Variants in TAF11 observed in about 807,000 individuals in gnomAD.
TAF11 encodes transcription initiation factor TFIID subunit 11.
Under a neutral mutation model 23.0 loss-of-function variants are expected in TAF11, and 10 were observed. The ratio of observed to expected loss-of-function variants is 0.43; its 90% CI spans 0.27 to 0.74. The LOEUF is 0.74. Among genes scored for constraint, TAF11 ranks in the 30% least tolerant of loss-of-function variants. The pLI is 0.19. For synonymous variants in TAF11, 85 were observed against 95.8 expected (o/e 0.89, Z 0.66); for missense variants, 196 against 261.7 (o/e 0.75, Z 1.73).
chr6:34,882,559 G>A (rs371608180), intron 2 of TAF11, among the ~76,000 whole-genome samples: 5 of 151,872 alleles, frequency 3.3e-5, no homozygotes, highest in East Asian at 3.9e-4. Context: ...CATGAGAATC[G>A]TTTGAACTCA....
chr6:34,884,908 T>C (rs893516195), intron 1 of TAF11, among the ~76,000 whole-genome samples: 6 of 152,238 alleles, frequency 3.9e-5, no homozygotes, highest in Admixed American at 2.0e-4. Flanking sequence ...AACTTGAACA[T>C]TAAATGTCTT....
Position 34,887,883 on chromosome 6 carries a change from G to C in TAF11, c.75C>G (p.Pro25=). 1 of 1,614,164 alleles carries C rather than the reference G, an allele frequency of 6.2e-7. No homozygotes were observed. Among genetic ancestry groups the C allele is most frequent in the Non-Finnish European group, 8.5e-7 (1 of 1,180,032 alleles). The change falls in exon 1 of 5, where the codon CCC becomes CCG. Residue 25 remains proline, a synonymous_variant. Coordinates refer to ENST00000361288, the MANE Select transcript of TAF11 (RefSeq NM_005643.4). ...TGESDETAAV[P]GDPGATDTDG... Reference sequence around the variant, plus strand: ...CGGTGTCGGTAGCCCCCGGGTCCCCGGGCACAGCGGCCGTCTCATCCGACT... The same window carrying C: ...CGGTGTCGGTAGCCCCCGGGTCCCCCGGCACAGCGGCCGTCTCATCCGACT...
chr6:34,887,489 T>C (rs1221233650), intron 1 of TAF11, among the ~76,000 whole-genome samples: 1 of 152,110 alleles, frequency 6.6e-6, no homozygotes, highest in Non-Finnish European at 1.5e-5. Context: ...CAGTGTGACA[T>C]TGGATCCCAA....
intron 1 of TAF11, among the ~76,000 whole-genome samples, chr6:34,884,415 GTGAAGGGTATATGGAAGGA>G (rs1208753964): frequency 2.0e-5 from 3 of 152,130 alleles, no homozygotes; most frequent in African/African-American, 4.8e-5. Flanking sequence ...ATATGGAAGG[GTGAAGGGTATATGGAAGGA>G]TGAAGGGTGG....
At chr6:34,881,928 C>A (rs1033715748) in intron 2 of TAF11, among the ~76,000 whole-genome samples, 1 of 151,052 alleles carries the variant, frequency 6.6e-6, no homozygotes, top group East Asian at 2.0e-4. Flanking sequence ...AAACTCCTGA[C>A]CTCAAGTGAT....
intron 2 of TAF11, 123 bp downstream of exon 2, chr6:34,882,809 T>C: frequency 8.4e-7 from 1 of 1,194,342 alleles, no homozygotes; most frequent in Non-Finnish European, 1.1e-6. Context: ...CCAGCCATAA[T>C]GTATTAATCG....
chr6:34,879,964 C>A lies in TAF11; in HGVS notation c.505+3G>T, dbSNP rs1320073663. 1 of 1,613,220 alleles carries A rather than the reference C, an allele frequency of 6.2e-7. No individual in the cohort carries two copies. Among genetic ancestry groups the A allele is most frequent in the African/African-American group, 1.3e-5 (1 of 75,018 alleles). On this transcript the variant is annotated splice_donor_region_variant and intron_variant, in intron 4 of 4. Coordinates refer to ENST00000361288, the MANE Select transcript of TAF11 (RefSeq NM_005643.4). ...TCCAGTATTTGTAACCAACACTACT[C>A]ACCTTCTTCTACCACCTCCCCGACG...
At chr6:34,886,645 T>A (rs1766533282) in intron 1 of TAF11, among the ~76,000 whole-genome samples, 1 of 151,884 alleles carries the variant, frequency 6.6e-6, no homozygotes, top group Non-Finnish European at 1.5e-5. Context: ...TTTGTATTTT[T>A]AGTAGAGACG....
intron 4 of TAF11, chr6:34,879,438 C>A (rs1182765225): frequency 3.1e-6 from 3 of 960,392 alleles, no homozygotes. Flanking sequence ...CATGCCACTG[C>A]ACTCCAGCCT....
intron 1 of TAF11, among the ~76,000 whole-genome samples, chr6:34,883,791 C>A (rs967397335): frequency 2.0e-5 from 3 of 152,154 alleles, no homozygotes; most frequent in African/African-American, 7.2e-5. Flanking sequence ...ACAAGACATA[C>A]CTGTGGCCAA....
At chr6:34,886,448 C>T (rs1766527177) in intron 1 of TAF11, among the ~76,000 whole-genome samples, 1 of 151,890 alleles carries the variant, frequency 6.6e-6, no homozygotes, top group Non-Finnish European at 1.5e-5. Flanking sequence ...CAAATGTTCT[C>T]TTTTCCTTTT....
In TAF11 at chr6:34,887,857, T is replaced by C. The variant is rs1189209775; in HGVS notation, c.101A>G (p.Asp34Gly). 1 of 1,614,104 alleles carries C rather than the reference T, an allele frequency of 6.2e-7. No individual in the cohort carries two copies. The highest frequency in any genetic ancestry group is 2.2e-5 in the East Asian group (1 of 44,888). ...VPGDPGATDT[D>G]GIPEETDGDA... is the part of the protein sequence containing the mutation. ...TCCGTCAGTTTCCTCTGGGATTCCA[T>C]CGGTGTCGGTAGCCCCCGGGTCCCC... Residue 34 changes from aspartate to glycine, a missense_variant, in exon 1 of 5, where the codon GAT (aspartate) becomes GGT (glycine). Coordinates refer to ENST00000361288, the MANE Select transcript of TAF11 (RefSeq NM_005643.4).
At chr6:34,878,775 A>G (rs1766362804) in intron 4 of TAF11, 55 bp from the exon 5 acceptor site, 3 of 1,482,326 alleles carry the variant, frequency 2.0e-6, no homozygotes, top group Admixed American at 1.7e-5. Flanking sequence ...TACTAATCAC[A>G]TAATCCTTTT....
chr6:34,878,373 A>G lies in TAF11; in HGVS notation c.*217T>C, dbSNP rs181770158. 2.2e-5 allele frequency: 12 copies of G among 533,794 alleles called. No homozygotes were observed. The highest frequency in any genetic ancestry group is 5.6e-5 in the African/African-American group (3 of 53,188). 33.1% of individuals were successfully genotyped at this position (533,794 alleles called of 1,614,324 possible). A position where few individuals can be genotyped will look rare whatever the true frequency, so the allele number is the denominator to read the frequency against. Reference sequence around the variant, plus strand: ...CTGGTCAAGACAGTTAAATACTTCAAAATGCCCCAAGAGGTCCCAAAATTT... The same window carrying G: ...CTGGTCAAGACAGTTAAATACTTCAGAATGCCCCAAGAGGTCCCAAAATTT... On this transcript the variant is annotated 3_prime_UTR_variant, in exon 5 of 5. Transcript: ENST00000361288.
chr6:34,887,771 G>A lies in TAF11; in HGVS notation c.171+16C>T, dbSNP rs1766561909. On this transcript the variant is annotated intron_variant, in intron 1 of 4. Transcript: ENST00000361288. Reference sequence around the variant, plus strand: ...TCTGGGTATTCCTTCAGCCTCATCAGTACATCTCTTCCTACCTCGCCTTCC... The same window carrying A: ...TCTGGGTATTCCTTCAGCCTCATCAATACATCTCTTCCTACCTCGCCTTCC... 1 of 1,613,984 alleles carries A rather than the reference G, an allele frequency of 6.2e-7. No homozygotes were observed. The highest frequency in any genetic ancestry group is 8.5e-7 in the Non-Finnish European group (1 of 1,179,970).
chr6:34,880,131 T>A lies in TAF11; in HGVS notation c.409-68A>T. On this transcript the variant is annotated intron_variant, in intron 3 of 4. Coordinates refer to ENST00000361288, the MANE Select transcript of TAF11 (RefSeq NM_005643.4). This position sits in a 1 kb window ranked among gnomAD's most constrained non-coding sequence, Gnocchi z 4.8. ...ACTGGCTTTGGAACACAGTACCAAG[T>A]AATTCACAGAAAAAGGTAAGATAAC... 1 of 1,551,822 alleles carries A rather than the reference T, an allele frequency of 6.4e-7. No homozygotes were observed. Among genetic ancestry groups the A allele is most frequent in the Non-Finnish European group, 8.9e-7 (1 of 1,127,248 alleles).
At chr6:34,884,238 T>TA (rs1358393701) in intron 1 of TAF11, among the ~76,000 whole-genome samples, 3 of 152,014 alleles carry the variant, frequency 2.0e-5, no homozygotes, top group Admixed American at 6.5e-5. Flanking sequence ...TATACAGCCA[T>TA]AAAAAAGGAG....
In TAF11 at chr6:34,880,116, G is replaced by C. The variant is rs1766395352; in HGVS notation, c.409-53C>G. ...TCACAATAGTCAAAGACTGGCTTTG[G>C]AACACAGTACCAAGTAATTCACAGA... On this transcript the variant is annotated intron_variant, in intron 3 of 4. Coordinates refer to ENST00000361288, the MANE Select transcript of TAF11 (RefSeq NM_005643.4). The surrounding 1 kb of genome is among the most constrained non-coding windows in gnomAD (Gnocchi z 4.8). The C allele has an allele frequency of 1.3e-6, 2 of 1,580,090 alleles. No homozygotes were observed. The highest frequency in any genetic ancestry group is 1.7e-6 in the Non-Finnish European group (2 of 1,150,206).
chr6:34,878,680 T>C lies in TAF11; in HGVS notation c.546A>G (p.Leu182=). ...VCEKWGEMPP[L]QPKHMREAVR... is the part of the protein sequence containing the mutation. ...CGGCTTCCCTCATATGTTTGGGTTG[T>C]AGTGGTGGCATTTCTCCCCACTTCT... is the stretch of plus-strand genomic sequence containing the variant. The change falls in exon 5 of 5, where the codon CTA becomes CTG. Residue 182 remains leucine (L), a synonymous_variant. Transcript: ENST00000361288. 6.2e-7 allele frequency: 1 copy of C among 1,614,168 alleles called. No homozygotes were observed. The highest frequency in any genetic ancestry group is 8.5e-7 in the Non-Finnish European group (1 of 1,180,014).
Sources: allele counts gnomAD v4.1 joint callset (sites outside exome capture counted in the v4.1 genomes callset), GRCh38; gene constraint gnomAD v4.1.1; non-coding constraint Gnocchi (gnomAD v3.1); transcripts MANE v1.5; gene names NCBI Gene and HGNC (gene_info 2026-07-23, HGNC 2026-07-21).